The following GSE1 variants were observed in gnomAD, a reference collection of about 807,000 sequenced individuals.
GSE1 encodes the protein Gse1 coiled-coil protein, also known as genetic suppressor element 1.
GSE1 carries 32 observed loss-of-function variants against 112.6 expected under a neutral mutation model. The observed-to-expected ratio is 0.28, with a 90% CI of 0.21 to 0.38. The LOEUF is 0.38. GSE1 is among the 10% of genes least tolerant of loss of function. The probability of loss-of-function intolerance (pLI) is 1.00; values close to 1 mark genes in which losing one functional copy is unlikely to be tolerated. For synonymous variants in GSE1, 1,115 were observed against 735.6 expected (o/e 1.52, Z -8.35); for missense variants, 2,348 against 1,699.2 (o/e 1.38, Z -6.71).
At chr16:85,517,442 A>G (rs1188379222) in intron 2 of GSE1, among the ~76,000 whole-genome samples, 7 of 152,208 alleles carry the variant, frequency 4.6e-5, no homozygotes, top group Admixed American at 3.3e-4. Context: ...ACAGTAACAC[A>G]TTAGTGCCCG....
At chr16:85,568,269 C>T (rs530046516) in intron 1 of GSE1, among the ~76,000 whole-genome samples, 10 of 152,338 alleles carry the variant, frequency 6.6e-5, no homozygotes, top group Non-Finnish European at 1.0e-4. Flanking sequence ...GCTTTGAGGG[C>T]AGAGGTCTTT....
At chr16:85,305,707 C>A (rs1054369346) in intron 1 of GSE1, among the ~76,000 whole-genome samples, 150 of 152,210 alleles carry the variant, frequency 9.9e-4, no homozygotes, top group African/African-American at 3.5e-3. Flanking sequence ...AACTCCCGAC[C>A]TCAGGTGATC....
intron 2 of GSE1, among the ~76,000 whole-genome samples, chr16:85,411,136 C>T (rs1162757178): frequency 9.0e-6 from 1 of 111,272 alleles, no homozygotes; most frequent in Non-Finnish European, 1.7e-5. Context: ...CTCACCGTTA[C>T]ACTCAGGGCC....
chr16:85,331,501 GTATATA>G (rs1169365095), intron 1 of GSE1, among the ~76,000 whole-genome samples: 182 of 119,632 alleles, frequency 1.5e-3, no homozygotes, highest in Admixed American at 5.4e-3. Flanking sequence ...GTGTATATGT[GTATATA>G]TGTATATATG....
chr16:85,309,082 G>A (rs1022405990), intron 1 of GSE1, among the ~76,000 whole-genome samples: 6 of 151,664 alleles, frequency 4.0e-5, no homozygotes, highest in Admixed American at 4.0e-4. Context: ...CAGGCTCTGA[G>A]GGGCTGCTGC....
intron 2 of GSE1, among the ~76,000 whole-genome samples, chr16:85,542,045 A>G (rs1375152290): frequency 6.6e-6 from 1 of 152,180 alleles, no homozygotes; most frequent in Non-Finnish European, 1.5e-5. Flanking sequence ...TCAGGGTTTT[A>G]TTAGGGCAGG....
chr16:85,261,685 C>T (rs1208329457), intron 1 of GSE1, among the ~76,000 whole-genome samples: 4 of 152,224 alleles, frequency 2.6e-5, no homozygotes, highest in Admixed American at 2.0e-4. Flanking sequence ...GCAGTGTCCA[C>T]AGGGCCCAGC....
intron 1 of GSE1, among the ~76,000 whole-genome samples, chr16:85,194,836 A>G (rs1258810070): frequency 6.6e-6 from 1 of 152,178 alleles, no homozygotes; most frequent in Non-Finnish European, 1.5e-5. Context: ...ACAAGTGTCT[A>G]CAGAGCAGGA....
chr16:85,231,913 C>T (rs953041527), intron 1 of GSE1, among the ~76,000 whole-genome samples: 11 of 152,158 alleles, frequency 7.2e-5, no homozygotes, highest in Admixed American at 7.2e-4. Context: ...CTGGGGATAC[C>T]CAATGTTGAC....
In GSE1 at chr16:85,311,399, C is replaced by G. The variant is rs2045842049; in HGVS notation, c.2284-46064C>G. On this transcript the variant is annotated intron_variant, in intron 1 of 2. Coordinates refer to the GSE1 transcript ENST00000637419. The surrounding 1 kb of genome is among the most constrained non-coding windows in gnomAD (Gnocchi z 4.2). ...CAGCTCTGGTGCAGACAGCCCAGGT[C>G]AGCAGCAGCATCGGAGGCAACCTGC... Among the ~76,000 whole-genome samples, 1 of 152,182 alleles carries G rather than the reference C, an allele frequency of 6.6e-6. No individual in the cohort carries two copies. Among genetic ancestry groups the G allele is most frequent in the African/African-American group, 2.4e-5 (1 of 41,442 alleles).
At chr16:85,244,763 G>A (rs1351600473) in intron 1 of GSE1, among the ~76,000 whole-genome samples, 2 of 152,108 alleles carry the variant, frequency 1.3e-5, no homozygotes, top group African/African-American at 4.8e-5. Context: ...GGCCGAGGCC[G>A]GTGGATCACT....
chr16:85,216,460 T>C (rs762666816), intron 1 of GSE1, among the ~76,000 whole-genome samples: 80 of 152,238 alleles, frequency 5.3e-4, no homozygotes, highest in Non-Finnish European at 9.8e-4. Context: ...CTAATAGTGA[T>C]ATAATGTTAT....
At chr16:85,526,549 C>A (rs1046065471) in intron 2 of GSE1, among the ~76,000 whole-genome samples, 1 of 152,120 alleles carries the variant, frequency 6.6e-6, no homozygotes, top group Non-Finnish European at 1.5e-5. Flanking sequence ...CTGGGTCAGC[C>A]GGGCAGGCCA....
At chr16:85,437,078 C>A (rs988385978) in intron 2 of GSE1, among the ~76,000 whole-genome samples, 2 of 152,222 alleles carry the variant, frequency 1.3e-5, no homozygotes, top group African/African-American at 4.8e-5. Context: ...CGCAGCCGGC[C>A]GGTCTCACAA....
intron 1 of GSE1, among the ~76,000 whole-genome samples, chr16:85,563,033 TC>T (rs2045592553): frequency 6.6e-6 from 1 of 152,198 alleles, no homozygotes; most frequent in African/African-American, 2.4e-5. Context: ...CAGATCCTTG[TC>T]CCTGTCTGGG....
intron 1 of GSE1, among the ~76,000 whole-genome samples, chr16:85,208,956 G>A (rs1199209062): frequency 6.6e-6 from 1 of 151,422 alleles, no homozygotes; most frequent in African/African-American, 2.4e-5. Flanking sequence ...CCGCATGTTG[G>A]GGTTCGCCTG....
At chr16:85,483,138 A>T (rs2050733930) in intron 2 of GSE1, among the ~76,000 whole-genome samples, 1 of 152,244 alleles carries the variant, frequency 6.6e-6, no homozygotes, top group African/African-American at 2.4e-5. Flanking sequence ...GGTGTATATG[A>T]AGCAGAAATG....
intron 2 of GSE1, among the ~76,000 whole-genome samples, chr16:85,433,661 A>T (rs1454016670): frequency 4.6e-5 from 7 of 151,634 alleles, no homozygotes. Flanking sequence ...TTGAATGGAT[A>T]GATACTTGCA....
At chr16:85,228,353 G>T (rs954182981) in intron 1 of GSE1, among the ~76,000 whole-genome samples, 1 of 152,202 alleles carries the variant, frequency 6.6e-6, no homozygotes, top group Non-Finnish European at 1.5e-5. Context: ...CTTGTGGCCA[G>T]CAGCGTACAG....
Sources: allele counts gnomAD v4.1 joint callset (sites outside exome capture counted in the v4.1 genomes callset), GRCh38; gene constraint gnomAD v4.1.1; non-coding constraint Gnocchi (gnomAD v3.1); transcripts MANE v1.5; gene names NCBI Gene and HGNC (gene_info 2026-07-23, HGNC 2026-07-21).